The following DLC1 variants were observed in gnomAD, a reference collection of about 807,000 sequenced individuals.
DLC1 encodes the protein DLC1 Rho GTPase activating protein.
Under a neutral mutation model 140.3 loss-of-function variants are expected in DLC1, and 54 were observed. The ratio of observed to expected loss-of-function variants is 0.38; its 90% CI spans 0.31 to 0.48. The LOEUF is 0.48. Among genes scored for constraint, DLC1 ranks in the 20% least tolerant of loss-of-function variants. DLC1 has a pLI of 0.96. For synonymous variants in DLC1, 986 were observed against 728.1 expected (o/e 1.35, Z -5.70); for missense variants, 2,536 against 1,907.0 (o/e 1.33, Z -6.14).
chr8:13,227,179 A>G (rs1056839434), intron 5 of DLC1, among the ~76,000 whole-genome samples: 10 of 152,296 alleles, frequency 6.6e-5, no homozygotes, highest in Admixed American at 1.3e-4. Flanking sequence ...ATTATTAGTG[A>G]TAATTGTTAT....
intron 5 of DLC1, among the ~76,000 whole-genome samples, chr8:13,171,630 C>T (rs1262703710): frequency 1.3e-5 from 2 of 152,134 alleles, no homozygotes; most frequent in South Asian, 2.1e-4. Flanking sequence ...TCAAGCAATC[C>T]TCCCTCCTCG....
At position 13,453,444 on chromosome 8, in the gene DLC1, A is replaced by G. The variant is rs1421293862; in HGVS notation, c.1023+45605T>C. Among the ~76,000 whole-genome samples, 129 of 31,104 alleles carry G rather than the reference A, an allele frequency of 4.1e-3. 4 individuals are homozygous for G. Among genetic ancestry groups the G allele is most frequent in the Non-Finnish European group, 6.1e-3 (107 of 17,454 alleles). The allele number at this position is 31,104 out of a possible 152,430, so 20.4% of individuals were successfully genotyped here. On this transcript the variant is annotated intron_variant, in intron 2 of 17. Transcript: ENST00000276297. ...TATATGTGTATATATATATGTATAT[A>G]TATACATATATATATGTATATATAT...
intron 1 of DLC1, among the ~76,000 whole-genome samples, chr8:13,528,629 G>T (rs560273195): frequency 6.6e-6 from 1 of 152,110 alleles, no homozygotes; most frequent in Non-Finnish European, 1.5e-5. Context: ...TATTTGCCAA[G>T]TTCTTATGTA....
At chr8:13,197,403 C>A (rs1293751150) in intron 5 of DLC1, among the ~76,000 whole-genome samples, 1 of 151,800 alleles carries the variant, frequency 6.6e-6, no homozygotes, top group Non-Finnish European at 1.5e-5. Flanking sequence ...GGCTGGAGTG[C>A]AGTGGCGTGA....
At chr8:13,603,308 G>T (rs12548088) in intron 1 of DLC1, among the ~76,000 whole-genome samples, 1 of 151,374 alleles carries the variant, frequency 6.6e-6, no homozygotes, top group Non-Finnish European at 1.5e-5. Context: ...CATTCATTAC[G>T]AGTCTTGGTA....
chr8:13,545,520 A>T (rs1035692688), intron 1 of DLC1, among the ~76,000 whole-genome samples: 1 of 151,998 alleles, frequency 6.6e-6, no homozygotes, highest in Non-Finnish European at 1.5e-5. Flanking sequence ...GCATTGTATG[A>T]CAAGGTTTAC....
At chr8:13,530,739 G>C (rs1803069045) in intron 1 of DLC1, among the ~76,000 whole-genome samples, 1 of 152,126 alleles carries the variant, frequency 6.6e-6, no homozygotes, top group Non-Finnish European at 1.5e-5. Context: ...AATAAGCAAA[G>C]GAAGAGTGTG....
chr8:13,599,067 A>G (rs1218059727), intron 1 of DLC1, among the ~76,000 whole-genome samples: 1 of 151,968 alleles, frequency 6.6e-6, no homozygotes, highest in Non-Finnish European at 1.5e-5. Flanking sequence ...AAGTAAATTA[A>G]TAAGATAAAA....
At chr8:13,517,094 G>A (rs530871920), upstream of DLC1, among the ~76,000 whole-genome samples, 1 of 152,132 alleles carries the variant, frequency 6.6e-6, no homozygotes, top group Admixed American at 6.5e-5. Flanking sequence ...AGAAATATTT[G>A]TGTATTTATG....
intron 7 of DLC1, among the ~76,000 whole-genome samples, chr8:13,109,703 G>A (rs1167208710): frequency 6.6e-6 from 1 of 152,072 alleles, no homozygotes; most frequent in Non-Finnish European, 1.5e-5. Context: ...TGGCAACATG[G>A]TGAAACCCAG....
chr8:13,498,899 G>A lies in DLC1; in HGVS notation c.1023+150C>T, dbSNP rs181713062. 27 of 821,710 alleles carry A rather than the reference G, an allele frequency of 3.3e-5. No individual in the cohort carries two copies. In the East Asian group the frequency reaches 7.0e-4, roughly 21 times the overall value. The allele number at this position is 821,710 out of a possible 1,614,324, so 50.9% of individuals were successfully genotyped here. A position where few individuals can be genotyped will look rare whatever the true frequency, so the allele number is the denominator to read the frequency against. On this transcript the variant is annotated intron_variant, in intron 2 of 17. Transcript: ENST00000276297. ...TAATTTTTACATATTTTGATGGTTT[G>A]ACCAAGTGGGTAGTCGTTGAATTAC...
chr8:13,552,021 A>G (rs974628560), intron 1 of DLC1, among the ~76,000 whole-genome samples: 1 of 137,394 alleles, frequency 7.3e-6, no homozygotes, highest in Admixed American at 7.4e-5. Context: ...ATGTGTGTGT[A>G]TATATATATG....
chr8:13,359,704 T>C (rs1835131452), intron 4 of DLC1, among the ~76,000 whole-genome samples: 1 of 152,218 alleles, frequency 6.6e-6, no homozygotes, highest in African/African-American at 2.4e-5. Context: ...CAAAGTATAC[T>C]TAATTGCTTG....
At chr8:13,318,780 T>C (rs1305047052) in intron 4 of DLC1, among the ~76,000 whole-genome samples, 3 of 152,258 alleles carry the variant, frequency 2.0e-5, no homozygotes, top group Non-Finnish European at 4.4e-5. Flanking sequence ...TTTCCCTTTC[T>C]ACATGTCAGT....
chr8:13,535,304 C>T (rs144909959), intron 1 of DLC1, among the ~76,000 whole-genome samples: 1 of 151,976 alleles, frequency 6.6e-6, no homozygotes, highest in East Asian at 1.9e-4. Context: ...TATGAGAAAG[C>T]AACATTTGAA....
At chr8:13,529,160 T>G (rs1803016136) in intron 1 of DLC1, among the ~76,000 whole-genome samples, 1 of 152,104 alleles carries the variant, frequency 6.6e-6, no homozygotes, top group Non-Finnish European at 1.5e-5. Context: ...GCCAAATAGT[T>G]TTATTACCAT....
At chr8:13,494,361 G>A (rs1801403525) in intron 2 of DLC1, among the ~76,000 whole-genome samples, 1 of 152,150 alleles carries the variant, frequency 6.6e-6, no homozygotes, top group Non-Finnish European at 1.5e-5. Context: ...TTTATTGCTA[G>A]ATATGCCCAT....
intron 5 of DLC1, among the ~76,000 whole-genome samples, chr8:13,138,337 A>T (rs1822719807): frequency 1.3e-5 from 2 of 152,196 alleles, no homozygotes; most frequent in Admixed American, 1.3e-4. Context: ...TTTGTATATG[A>T]AATCTCTCAA....
intron 16 of DLC1, among the ~76,000 whole-genome samples, chr8:13,087,555 G>A (rs1057159038): frequency 8.5e-5 from 13 of 152,216 alleles, no homozygotes; most frequent in African/African-American, 3.1e-4. Flanking sequence ...CGAAGACACT[G>A]TACAAGGACT....
Sources: gnomAD v4.1 joint callset for allele counts (sites outside exome capture counted in the v4.1 genomes callset) on GRCh38, gnomAD v4.1.1 for gene constraint, MANE v1.5 for transcripts, NCBI Gene and HGNC (gene_info 2026-07-23, HGNC 2026-07-21) for gene names.